The following RAPGEF6 variants were observed in gnomAD, a reference collection of about 807,000 sequenced individuals.
RAPGEF6 encodes PDZ domain containing guanine nucleotide exchange factor (GEF) 2.
In RAPGEF6, 56 loss-of-function variants were observed where a neutral mutation model predicts 171.4. The ratio of observed to expected loss-of-function variants is 0.33; its 90% CI spans 0.26 to 0.41. RAPGEF6 has a LOEUF of 0.41. RAPGEF6 is among the 10% of genes least tolerant of loss of function. The pLI, the probability that RAPGEF6 is intolerant of heterozygous loss-of-function variation, is 1.00. For synonymous variants in RAPGEF6, 692 were observed against 650.1 expected, an observed-to-expected ratio of 1.06 and a Z score of -0.98; for missense variants, 1,674 against 1,921.4, an observed-to-expected ratio of 0.87 and a Z score of 2.41.
intron 23 of RAPGEF6, 175 bp from the exon 24 acceptor site, chr5:131,439,890 C>T (rs1196181318): frequency 3.6e-6 from 4 of 1,104,798 alleles, no homozygotes; most frequent in Non-Finnish European, 5.0e-6. Flanking sequence ...GAGATTCTCA[C>T]CTCTAGGTTA....
At chr5:131,492,956 A>T (rs39600) in intron 13 of RAPGEF6, among the ~76,000 whole-genome samples, 171 bp from the exon 14 acceptor site, 117,603 of 152,108 alleles carry the variant, frequency 0.77, 45,799 homozygotes, top group African/African-American at 0.83. Flanking sequence ...CAAGATTTCT[A>T]AATATGATTA....
Position 131,479,566 on chromosome 5 carries a change from G to T in RAPGEF6, c.2028C>A (p.Ile676=). The T allele has an allele frequency of 2.5e-6, 4 of 1,613,816 alleles. No homozygotes were observed. ...ATCGTGTTTTATCCAAAATCTTCCTGATTTTGTTTCTTCCACCTGAAACAG... is the reference window on the plus strand; with the variant it reads ...ATCGTGTTTTATCCAAAATCTTCCTTATTTTGTTTCTTCCACCTGAAACAG... ...ANTVSGGRNK[I]RKILDKTRFS... Residue 676 remains isoleucine, a synonymous_variant, in exon 16 of 28, where the codon ATC becomes ATA. Transcript: ENST00000509018.
intron 11 of RAPGEF6, among the ~76,000 whole-genome samples, chr5:131,502,032 T>C (rs1458528079): frequency 1.3e-5 from 2 of 152,186 alleles, no homozygotes; most frequent in South Asian, 4.1e-4. Context: ...ATGAGCCTTA[T>C]TATTTGCCAG....
chr5:131,501,534 T>C (rs938197810), intron 11 of RAPGEF6, among the ~76,000 whole-genome samples: 2 of 152,074 alleles, frequency 1.3e-5, no homozygotes, highest in Admixed American at 6.6e-5. Context: ...GGCAAATTTA[T>C]GTTCAAGTAT....
chr5:131,433,809 G>C, intron 24 of RAPGEF6, 151 bp from the exon 25 acceptor site: 2 of 630,062 alleles, frequency 3.2e-6, no homozygotes, highest in African/African-American at 3.7e-5. Context: ...ATATAATGGT[G>C]CCAATTTTCT....
intron 1 of RAPGEF6, among the ~76,000 whole-genome samples, chr5:131,628,362 C>T (rs1454124953): frequency 6.6e-6 from 1 of 151,838 alleles, no homozygotes; most frequent in Non-Finnish European, 1.5e-5. Context: ...TCAAACCAGC[C>T]ACAACAGTCC....
At chr5:131,440,269 A>T (rs1404711190) in intron 23 of RAPGEF6, 2 of 456,158 alleles carry the variant, frequency 4.4e-6, no homozygotes, top group Non-Finnish European at 8.8e-6. Flanking sequence ...TCATGAATGT[A>T]TAGAAAAATA....
intron 6 of RAPGEF6, among the ~76,000 whole-genome samples, chr5:131,521,769 A>G (rs948282282): frequency 6.6e-6 from 1 of 151,326 alleles, no homozygotes; most frequent in Non-Finnish European, 1.5e-5. Flanking sequence ...ATTTCAGAGG[A>G]AAAACTTGGC....
At chr5:131,517,974 A>G (rs1758210034) in intron 7 of RAPGEF6, among the ~76,000 whole-genome samples, 1 of 151,870 alleles carries the variant, frequency 6.6e-6, no homozygotes, top group Non-Finnish European at 1.5e-5. Flanking sequence ...ACTTTTAACT[A>G]TACAATCTAT....
intron 6 of RAPGEF6, among the ~76,000 whole-genome samples, chr5:131,545,522 TA>T (rs1760465176): frequency 6.6e-6 from 1 of 152,148 alleles, no homozygotes; most frequent in Non-Finnish European, 1.5e-5. Context: ...AAGAACCCTA[TA>T]AAGGCCATTA....
At chr5:131,436,268 T>C in intron 24 of RAPGEF6, 2 of 1,537,548 alleles carry the variant, frequency 1.3e-6, no homozygotes, top group Non-Finnish European at 1.7e-6. Flanking sequence ...CTGTCTGTTC[T>C]TTTGGCTGTG....
chr5:131,633,968 C>T (rs971278476), intron 1 of RAPGEF6, among the ~76,000 whole-genome samples: 2 of 152,146 alleles, frequency 1.3e-5, no homozygotes, highest in African/African-American at 4.8e-5. Context: ...TGTTCCTATG[C>T]AAACATCAGG....
intron 6 of RAPGEF6, among the ~76,000 whole-genome samples, chr5:131,531,948 T>C (rs1193535629): frequency 4.3e-5 from 4 of 93,174 alleles, no homozygotes; most frequent in Non-Finnish European, 1.2e-4. Context: ...ATGTTTTAGA[T>C]ATTTAAATTA....
At chr5:131,445,563 C>T (rs1752636789) in intron 22 of RAPGEF6, among the ~76,000 whole-genome samples, 1 of 150,552 alleles carries the variant, frequency 6.6e-6, no homozygotes, top group Non-Finnish European at 1.5e-5. Context: ...ATTTAACCCA[C>T]TGCGTGTGTC....
At chr5:131,450,534 G>A (rs1019274111) in intron 21 of RAPGEF6, among the ~76,000 whole-genome samples, 4 of 152,222 alleles carry the variant, frequency 2.6e-5, no homozygotes, top group Admixed American at 6.5e-5. Context: ...AAGATGTCTT[G>A]TAAGAAATGT....
Position 131,490,917 on chromosome 5 carries a change from C to T in RAPGEF6, c.1732-1263G>A, listed in dbSNP as rs570738272. ...GAAACTTAACTCAAACATCAAAAGC[C>T]TTCTTGAAACAGAAGATACATAATG... On this transcript the variant is annotated intron_variant, in intron 14 of 27. Transcript: ENST00000509018. Among the ~76,000 whole-genome samples, 6 of 152,226 alleles carry T rather than the reference C, an allele frequency of 3.9e-5. No homozygotes were observed. The East Asian group carries it at 1.2e-3, about 29-fold the overall frequency.
intron 1 of RAPGEF6, among the ~76,000 whole-genome samples, chr5:131,626,128 C>G (rs781431073): frequency 3.3e-5 from 5 of 152,188 alleles, no homozygotes; most frequent in Non-Finnish European, 7.3e-5. Context: ...CCAGCTTCAT[C>G]ATTAAACATC....
At position 131,581,060 on chromosome 5, in the gene RAPGEF6, G is replaced by T. The variant is rs115395028; in HGVS notation, c.281+11323C>A. Among the ~76,000 whole-genome samples the T allele has an allele frequency of 3.2e-3, 488 of 152,206 alleles. 3 individuals are homozygous for T. The highest frequency in any genetic ancestry group is 0.011 in the African/African-American group (464 of 41,516). ...ATCTCAACCTCTGTCACAACATTCC[G>T]CAGCCTCTCCAATGACTTCTCTGCT... On this transcript the variant is annotated intron_variant, in intron 4 of 27. Transcript: ENST00000509018.
intron 4 of RAPGEF6, among the ~76,000 whole-genome samples, chr5:131,582,124 G>C (rs1763003361): frequency 6.6e-6 from 1 of 152,150 alleles, no homozygotes; most frequent in African/African-American, 2.4e-5. Context: ...TGAATAAATA[G>C]CCTTGTTGCT....
Sources: gnomAD v4.1 joint callset for allele counts (sites outside exome capture counted in the v4.1 genomes callset) on GRCh38, gnomAD v4.1.1 for gene constraint, MANE v1.5 for transcripts, NCBI Gene and HGNC (gene_info 2026-07-23, HGNC 2026-07-21) for gene names.